STX2: variants seen among roughly 807,000 people sequenced by gnomAD.
STX2 encodes the protein syntaxin-2.
Under a neutral mutation model 40.6 loss-of-function variants are expected in STX2, and 27 were observed. That is an observed-to-expected ratio of 0.66 (90% confidence interval 0.49 to 0.92). The LOEUF is 0.92. Ranked by LOEUF, STX2 falls within the 40% of genes least tolerant of loss-of-function variation. STX2 has a pLI of 0.00. For missense variants in STX2, 328 were observed against 366.1 expected (o/e 0.90, Z 0.85); for synonymous variants, 123 against 119.1 (o/e 1.03, Z -0.22).
intron 3 of STX2, among the ~76,000 whole-genome samples, chr12:130,815,006 G>T (rs1353130721): frequency 6.6e-6 from 1 of 152,200 alleles, no homozygotes; most frequent in Non-Finnish European, 1.5e-5. Context: ...GGCTGAGGCA[G>T]GAGGATCACT....
chr12:130,807,073 C>T lies in STX2; in HGVS notation c.372G>A (p.Arg124=). 1 of 1,614,228 alleles carries T rather than the reference C, an allele frequency of 6.2e-7. No individual in the cohort carries two copies. The highest frequency in any genetic ancestry group is 8.5e-7 in the Non-Finnish European group (1 of 1,180,042). Reference sequence around the variant, plus strand: ...ACTCCGCCATGGCTTCCACAAACTTCCGAGACAGCACCGAATGCTAACAAC... The same window carrying T: ...ACTCCGCCATGGCTTCCACAAACTTTCGAGACAGCACCGAATGCTAACAAC... The part of the protein sequence containing the change: ...IRRTQHSVLS[R]KFVEAMAEYN... The change falls in exon 6 of 11, where the codon CGG becomes CGA. Residue 124 remains arginine (R), a synonymous_variant. Coordinates refer to ENST00000392373, the MANE Select transcript of STX2 (RefSeq NM_194356.4).
chr12:130,804,901 T>C (rs900340583), intron 6 of STX2, among the ~76,000 whole-genome samples: 2 of 151,490 alleles, frequency 1.3e-5, no homozygotes, highest in South Asian at 2.1e-4. Flanking sequence ...TGGGCTGAGA[T>C]AGAATAATGT....
At chr12:130,833,241 C>T (rs763073029) in intron 1 of STX2, among the ~76,000 whole-genome samples, 4 of 151,830 alleles carry the variant, frequency 2.6e-5, no homozygotes, top group Non-Finnish European at 4.4e-5. Flanking sequence ...AAATGACAAA[C>T]GTCAACAAAC....
intron 1 of STX2, among the ~76,000 whole-genome samples, chr12:130,838,528 A>G (rs1250491507): frequency 6.6e-6 from 1 of 152,122 alleles, no homozygotes; most frequent in African/African-American, 2.4e-5. Flanking sequence ...CCAGCACTCT[A>G]AGGTGCCCAC....
At chr12:130,795,925 A>T (rs575613275) in intron 10 of STX2, 70 bp downstream of exon 10, 1 of 1,498,930 alleles carries the variant, frequency 6.7e-7, no homozygotes, top group African/African-American at 1.4e-5. Flanking sequence ...TATGTCTATT[A>T]CAATTAAGCA....
chr12:130,803,635 C>G (rs1951310245), intron 6 of STX2, among the ~76,000 whole-genome samples: 1 of 142,748 alleles, frequency 7.0e-6, no homozygotes, highest in South Asian at 2.3e-4. Context: ...ACACTGCACT[C>G]CAGCCTGGGT....
At chr12:130,802,467 G>A (rs1482666986) in intron 6 of STX2, among the ~76,000 whole-genome samples, 2 of 152,044 alleles carry the variant, frequency 1.3e-5, no homozygotes, top group East Asian at 1.9e-4. Flanking sequence ...CAAAGTGCTC[G>A]GATTGCAGGT....
intron 1 of STX2, among the ~76,000 whole-genome samples, chr12:130,834,228 A>G (rs568698780): frequency 6.6e-6 from 1 of 152,226 alleles, no homozygotes; most frequent in South Asian, 2.1e-4. Flanking sequence ...TACTAAAAAT[A>G]CAAAAATCAG....
rs1243807192 is a variant in STX2, at chr12:130,839,242, G to T, written c.-143C>A. The T allele has an allele frequency of 1.8e-5, 12 of 674,088 alleles. No individual in the cohort carries two copies. The Admixed American group carries it at 1.8e-4, about 10-fold the overall frequency. The allele number at this position is 674,088 out of a possible 1,614,324, so 41.8% of individuals were successfully genotyped here. ...CCCTCCCTGGAGCCGGCGCTGCCAC[G>T]GCAACCGCGCCCCGCGCGCTCTGCG... is the stretch of plus-strand genomic sequence containing the variant. On this transcript the variant is annotated 5_prime_UTR_variant, in exon 1 of 11. Transcript: ENST00000392373.
intron 1 of STX2, among the ~76,000 whole-genome samples, chr12:130,829,443 C>T (rs1319243820): frequency 6.6e-6 from 1 of 152,232 alleles, no homozygotes; most frequent in Admixed American, 6.5e-5. Context: ...TGATTCCACA[C>T]ACCCTGCTCT....
chr12:130,798,309 G>A (rs900387112), intron 9 of STX2: 8 of 375,394 alleles, frequency 2.1e-5, no homozygotes, highest in Non-Finnish European at 3.7e-5. Flanking sequence ...CAGCCCTAGG[G>A]TTTCAATTAC....
intron 4 of STX2, 112 bp downstream of exon 4, chr12:130,812,845 C>A: frequency 2.8e-6 from 2 of 718,828 alleles, no homozygotes; most frequent in Non-Finnish European, 2.3e-6. Flanking sequence ...TATTTTAAAG[C>A]AGTCACTATT....
intron 6 of STX2, among the ~76,000 whole-genome samples, chr12:130,804,145 G>T (rs1200731670): frequency 6.6e-6 from 1 of 152,154 alleles, no homozygotes; most frequent in African/African-American, 2.4e-5. Flanking sequence ...ACATGCCCTG[G>T]TCCAAGAAGA....
intron 4 of STX2, among the ~76,000 whole-genome samples, chr12:130,811,926 C>A (rs531811951): frequency 6.6e-6 from 1 of 152,116 alleles, no homozygotes; most frequent in Non-Finnish European, 1.5e-5. Flanking sequence ...ACAAAAAACA[C>A]CTGAATCAGA....
chr12:130,828,599 G>A (rs1293036644), intron 1 of STX2, among the ~76,000 whole-genome samples: 3 of 151,640 alleles, frequency 2.0e-5, no homozygotes, highest in Non-Finnish European at 1.5e-5. Flanking sequence ...GGGCGCGGTG[G>A]CTCACACCTG....
chr12:130,803,384 G>A (rs1192935418), intron 6 of STX2, among the ~76,000 whole-genome samples: 1 of 152,086 alleles, frequency 6.6e-6, no homozygotes, highest in Non-Finnish European at 1.5e-5. Flanking sequence ...AGCTCAATAA[G>A]GAGATTCTCT....
chr12:130,807,272 C>G (rs1951471631), intron 5 of STX2, among the ~76,000 whole-genome samples, 182 bp from the exon 6 acceptor site: 1 of 151,896 alleles, frequency 6.6e-6, no homozygotes, highest in South Asian at 2.1e-4. Context: ...ATGATCTTAC[C>G]TAATTTTTAC....
At position 130,838,996 on chromosome 12, in the gene STX2, C is replaced by G. The variant is rs546121395; in HGVS notation, c.30+74G>C. 405 of 779,446 alleles carry G rather than the reference C, an allele frequency of 5.2e-4. 2 individuals are homozygous for G. Among genetic ancestry groups the G allele is most frequent in the Middle Eastern group, 9.5e-4 (2 of 2,112 alleles). 48.3% of individuals were successfully genotyped at this position (779,446 alleles called of 1,614,324 possible). ...GACCCTCCCGGAGCCCCGCCCAAGA[C>G]GCCCCGAGCCCCCGCCCGCCCTCCA... On this transcript the variant is annotated intron_variant, in intron 1 of 10. Transcript: ENST00000392373.
chr12:130,797,337 A>T (rs1459769986), intron 9 of STX2, among the ~76,000 whole-genome samples: 1 of 152,194 alleles, frequency 6.6e-6, no homozygotes, highest in Non-Finnish European at 1.5e-5. Context: ...TTATACAGGT[A>T]TCTCTTCACC....
Sources: allele counts gnomAD v4.1 joint callset (sites outside exome capture counted in the v4.1 genomes callset), GRCh38; gene constraint gnomAD v4.1.1; transcripts MANE v1.5; gene names NCBI Gene and HGNC (gene_info 2026-07-23, HGNC 2026-07-21).